The following PTPRD variants were observed in gnomAD, a reference collection of about 807,000 sequenced individuals.
PTPRD encodes receptor-type tyrosine-protein phosphatase delta.
PTPRD carries 34 observed loss-of-function variants against 214.5 expected under a neutral mutation model. The observed-to-expected ratio is 0.16, with a 90% CI of 0.12 to 0.21. The LOEUF (loss-of-function observed/expected upper bound fraction) is 0.21. PTPRD is among the 10% of genes least tolerant of loss of function. PTPRD has a pLI of 1.00. For missense variants in PTPRD, 2,545 were observed against 2,398.7 expected (o/e 1.06, Z -1.27); for synonymous variants, 1,128 against 845.7 (o/e 1.33, Z -5.79).
At chr9:9,348,553 A>G (rs1337929609) in intron 9 of PTPRD, among the ~76,000 whole-genome samples, 6 of 152,210 alleles carry the variant, frequency 3.9e-5, no homozygotes, top group South Asian at 2.1e-4. Flanking sequence ...CCCTTTAATC[A>G]TCATCTGAAG....
chr9:10,462,734 T>C (rs1439762988), intron 2 of PTPRD, among the ~76,000 whole-genome samples: 2 of 142,240 alleles, frequency 1.4e-5, no homozygotes, highest in African/African-American at 2.5e-5. Context: ...AGGATATAAG[T>C]AAAAAAAAAA....
chr9:8,428,108 C>A (rs2094808326), intron 35 of PTPRD, among the ~76,000 whole-genome samples: 1 of 152,116 alleles, frequency 6.6e-6, no homozygotes, highest in Non-Finnish European at 1.5e-5. Flanking sequence ...GAGCTAGGGG[C>A]CAAACTGGTG....
At chr9:10,052,404 T>C (rs2097550120) in intron 3 of PTPRD, among the ~76,000 whole-genome samples, 2 of 152,158 alleles carry the variant, frequency 1.3e-5, no homozygotes, top group Non-Finnish European at 2.9e-5. Context: ...GTTGGAATTG[T>C]GTCATTCCCC....
At chr9:9,683,566 G>C (rs1177019962) in intron 7 of PTPRD, among the ~76,000 whole-genome samples, 1 of 151,612 alleles carries the variant, frequency 6.6e-6, no homozygotes, top group African/African-American at 2.4e-5. Context: ...TCCCTAGTTT[G>C]CTTTTGGAAA....
At chr9:10,301,077 G>A (rs1434936317) in intron 3 of PTPRD, among the ~76,000 whole-genome samples, 1 of 152,148 alleles carries the variant, frequency 6.6e-6, no homozygotes, top group Non-Finnish European at 1.5e-5. Flanking sequence ...GGAACAGGAA[G>A]CAATCTTTGC....
chr9:9,560,663 C>T (rs952162359), intron 8 of PTPRD, among the ~76,000 whole-genome samples: 4 of 152,164 alleles, frequency 2.6e-5, no homozygotes, highest in Admixed American at 1.3e-4. Context: ...TCCTAGGGTC[C>T]GGTTCCAGCC....
intron 9 of PTPRD, among the ~76,000 whole-genome samples, chr9:9,217,856 C>G (rs950919213): frequency 6.6e-6 from 1 of 152,064 alleles, no homozygotes; most frequent in Non-Finnish European, 1.5e-5. Flanking sequence ...ATTTCAGAAG[C>G]GGCTTCCTTT....
intron 8 of PTPRD, among the ~76,000 whole-genome samples, chr9:9,500,179 A>T (rs2096360274): frequency 6.6e-6 from 1 of 152,130 alleles, no homozygotes; most frequent in Non-Finnish European, 1.5e-5. Flanking sequence ...TATGAAAAGT[A>T]ATAAAACATT....
At chr9:10,544,621 G>A (rs879560477) in intron 2 of PTPRD, among the ~76,000 whole-genome samples, 12 of 152,140 alleles carry the variant, frequency 7.9e-5, no homozygotes, top group Non-Finnish European at 1.3e-4. Flanking sequence ...AGGACTATAA[G>A]CACTCTACAC....
chr9:8,431,853 A>G (rs1222381300), intron 35 of PTPRD, among the ~76,000 whole-genome samples: 1 of 152,194 alleles, frequency 6.6e-6, no homozygotes, highest in Non-Finnish European at 1.5e-5. Context: ...AAAATGAGTT[A>G]GGGAGGAGTC....
At chr9:9,340,702 A>G (rs1318493690) in intron 9 of PTPRD, among the ~76,000 whole-genome samples, 1 of 152,220 alleles carries the variant, frequency 6.6e-6, no homozygotes, top group African/African-American at 2.4e-5. Flanking sequence ...TGCTGTTGGA[A>G]AACAATTATA....
intron 5 of PTPRD, among the ~76,000 whole-genome samples, chr9:9,824,292 T>C (rs1360155888): frequency 6.6e-6 from 1 of 152,032 alleles, no homozygotes; most frequent in Non-Finnish European, 1.5e-5. Flanking sequence ...ATGTACTATT[T>C]CTACTTTCTT....
intron 9 of PTPRD, among the ~76,000 whole-genome samples, chr9:9,379,009 T>C (rs2061489998): frequency 6.6e-6 from 1 of 151,650 alleles, no homozygotes; most frequent in African/African-American, 2.4e-5. Flanking sequence ...TTTATTTTAA[T>C]GAAGCCCAGC....
chr9:8,725,528 T>C (rs1400448170), intron 12 of PTPRD, among the ~76,000 whole-genome samples: 1 of 152,164 alleles, frequency 6.6e-6, no homozygotes, highest in African/African-American at 2.4e-5. Context: ...TCTGCTCAAA[T>C]TGTGAAGTTA....
chr9:9,266,719 G>A (rs1939918886), intron 9 of PTPRD, among the ~76,000 whole-genome samples: 2 of 151,100 alleles, frequency 1.3e-5, no homozygotes, highest in Non-Finnish European at 3.0e-5. Flanking sequence ...ATAGGGAAAA[G>A]AAGGTATCAA....
At chr9:10,288,773 T>G (rs1056500247) in intron 3 of PTPRD, among the ~76,000 whole-genome samples, 5 of 151,918 alleles carry the variant, frequency 3.3e-5, no homozygotes, top group African/African-American at 1.2e-4. Flanking sequence ...AATATAGACA[T>G]GGCAAGAGCC....
chr9:9,766,303 T>C (rs1446381043), intron 6 of PTPRD, among the ~76,000 whole-genome samples: 1 of 152,200 alleles, frequency 6.6e-6, no homozygotes, highest in African/African-American at 2.4e-5. Context: ...CCCCTATCTT[T>C]CATGTAGTAC....
At chr9:8,522,836 T>A (rs1266878334) in intron 19 of PTPRD, among the ~76,000 whole-genome samples, 1 of 152,194 alleles carries the variant, frequency 6.6e-6, no homozygotes, top group Non-Finnish European at 1.5e-5. Context: ...ATACATTTAA[T>A]AAAGATTTTT....
chr9:10,077,162 T>C (rs1358798523), intron 3 of PTPRD, among the ~76,000 whole-genome samples: 1 of 152,182 alleles, frequency 6.6e-6, no homozygotes, highest in Non-Finnish European at 1.5e-5. Flanking sequence ...GTAACAATTA[T>C]GTGAATGAAT....
Sources: allele counts gnomAD v4.1 joint callset (sites outside exome capture counted in the v4.1 genomes callset), GRCh38; gene constraint gnomAD v4.1.1; transcripts MANE v1.5; gene names NCBI Gene and HGNC (gene_info 2026-07-23, HGNC 2026-07-21).